GANC: variants seen among roughly 807,000 people sequenced by gnomAD.
GANC encodes glucosidase alpha, neutral C.
In GANC, 117 loss-of-function variants were observed where a neutral mutation model predicts 124.2. The observed-to-expected ratio is 0.94, with a 90% CI of 0.81 to 1.10. The LOEUF (loss-of-function observed/expected upper bound fraction) is 1.10. Among genes scored for constraint, GANC ranks in the 50% least tolerant of loss-of-function variants. GANC has a pLI of 0.00. For synonymous variants in GANC, 377 were observed against 376.8 expected, an observed-to-expected ratio of 1.00 and a Z score of -0.01; for missense variants, 1,140 against 1,095.0, an observed-to-expected ratio of 1.04 and a Z score of -0.58.
At position 42,330,677 on chromosome 15, in the gene GANC, G is replaced by A. The variant is rs1368828721; in HGVS notation, c.1741+5G>A. ...TTGCTGGATCACAAAAGTATGGTAA[G>A]GAATGGCTCATATCAGACTTAAAAA... is the stretch of plus-strand genomic sequence containing the variant. On this transcript the variant is annotated splice_donor_5th_base_variant and intron_variant, in intron 15 of 23. Coordinates refer to ENST00000318010, the MANE Select transcript of GANC (RefSeq NM_198141.3). 1.3e-6 allele frequency: 2 copies of A among 1,594,318 alleles called. No homozygotes were observed. The highest frequency in any genetic ancestry group is 4.5e-5 in the East Asian group (2 of 44,116).
At position 42,343,443 on chromosome 15, in the gene GANC, G is replaced by T. The variant is rs910484175; in HGVS notation, c.2229+289G>T. 9 of 357,164 alleles carry T rather than the reference G, an allele frequency of 2.5e-5. No homozygotes were observed. The South Asian group carries it at 3.0e-4, about 12-fold the overall frequency. 22.1% of individuals were successfully genotyped at this position (357,164 alleles called of 1,614,324 possible). On this transcript the variant is annotated intron_variant, in intron 19 of 23. Coordinates refer to ENST00000318010, the MANE Select transcript of GANC (RefSeq NM_198141.3). ...CCTGATAAACACACCGAGGCTTGGG[G>T]TAGGAAGAAATCTTCAGTCTGCTAT...
chr15:42,333,790 T>G (rs1252305984), intron 15 of GANC, among the ~76,000 whole-genome samples: 1 of 152,236 alleles, frequency 6.6e-6, no homozygotes. Flanking sequence ...TTAATTATTG[T>G]TATTGCTACT....
At chr15:42,330,202 T>A (rs1316665772) in intron 14 of GANC, among the ~76,000 whole-genome samples, 3 of 152,200 alleles carry the variant, frequency 2.0e-5, no homozygotes, top group Non-Finnish European at 4.4e-5. Flanking sequence ...CTTATATAGG[T>A]CAGGACCAGT....
chr15:42,303,950 A>G (rs2051970964), intron 6 of GANC, among the ~76,000 whole-genome samples: 1 of 152,162 alleles, frequency 6.6e-6, no homozygotes, highest in South Asian at 2.1e-4. Flanking sequence ...GATTAACGAG[A>G]CAGAAAATTA....
chr15:42,275,153 A>T (rs575239204), intron 1 of GANC, among the ~76,000 whole-genome samples: 1 of 152,252 alleles, frequency 6.6e-6, no homozygotes, highest in African/African-American at 2.4e-5. Context: ...AGGTGGGCAG[A>T]TTGCTTGAAC....
At chr15:42,287,850 C>G in intron 4 of GANC, 32 bp downstream of exon 4, 1 of 1,585,898 alleles carries the variant, frequency 6.3e-7, no homozygotes, top group East Asian at 2.3e-5. Flanking sequence ...TTTAGAGACA[C>G]GCTTGATATA....
chr15:42,286,262 G>T (rs979113661), intron 3 of GANC, among the ~76,000 whole-genome samples: 1 of 152,060 alleles, frequency 6.6e-6, no homozygotes, highest in African/African-American at 2.4e-5. Context: ...TTAATCTCTT[G>T]CCTTTCTGTT....
chr15:42,313,980 A>ACAACAAAG (rs2052080220), intron 10 of GANC: 1 of 666,124 alleles, frequency 1.5e-6, no homozygotes, highest in East Asian at 2.7e-5. Flanking sequence ...CAACAACAAA[A>ACAACAAAG]TTAATGTAAT....
chr15:42,332,337 G>A (rs1392948952), intron 15 of GANC, among the ~76,000 whole-genome samples: 1 of 151,906 alleles, frequency 6.6e-6, no homozygotes, highest in Non-Finnish European at 1.5e-5. Context: ...ACAAAAAAAA[G>A]TATTTTTAAT....
Position 42,287,699 on chromosome 15 carries a change from C to G in GANC, c.210C>G (p.Leu70=). The G allele has an allele frequency of 6.2e-7, 1 of 1,611,222 alleles. No individual in the cohort carries two copies. Among genetic ancestry groups the G allele is most frequent in the South Asian group, 1.1e-5 (1 of 90,678 alleles). The change falls in exon 4 of 24, where the codon CTC becomes CTG. Residue 70 remains leucine (L), a synonymous_variant. Coordinates refer to ENST00000318010, the MANE Select transcript of GANC (RefSeq NM_198141.3). Reference sequence around the variant, plus strand: ...CTTGTATCTGTTTCCAGGTTCCTCTCCTGGCTGAAATTTATGGTATAGAAG... The same window carrying G: ...CTTGTATCTGTTTCCAGGTTCCTCTGCTGGCTGAAATTTATGGTATAGAAG... ...QIINEASKVP[L]LAEIYGIEGN... is the part of the protein sequence containing the mutation.
Position 42,352,508 on chromosome 15 carries a change from A to G in GANC, c.*369A>G. ...CATTTGCCAGGGCTTGCCTCAGGCC[A>G]TGCAGCATTGGCGCTCTGGCTGCAG... On this transcript the variant is annotated 3_prime_UTR_variant, in exon 24 of 24. Transcript: ENST00000318010. 4.8e-6 allele frequency: 5 copies of G among 1,049,346 alleles called. No homozygotes were observed. The highest frequency in any genetic ancestry group is 5.8e-6 in the Non-Finnish European group (5 of 867,378). 65.0% of individuals were successfully genotyped at this position (1,049,346 alleles called of 1,614,324 possible). A position where few individuals can be genotyped will look rare whatever the true frequency, so the allele number is the denominator to read the frequency against.
chr15:42,318,602 G>T (rs1189449049), intron 10 of GANC, among the ~76,000 whole-genome samples: 2 of 152,028 alleles, frequency 1.3e-5, no homozygotes, highest in African/African-American at 4.8e-5. Flanking sequence ...TTGTTTGTTT[G>T]TTTGAGTCAG....
At position 42,284,019 on chromosome 15, in the gene GANC, C is replaced by T. The variant is rs562954349; in HGVS notation, c.202-3672C>T. On this transcript the variant is annotated intron_variant, in intron 3 of 23. Transcript: ENST00000318010. ...CAATTTAATGAACTATTAGACCATC[C>T]TCTGGATCCCGGGAGGTCTTGATCA... The T allele has an allele frequency of 1.2e-3, 810 of 702,166 alleles. 18 individuals carry two copies. The highest frequency in any genetic ancestry group is 0.01 in the South Asian group (707 of 67,588). The allele number at this position is 702,166 out of a possible 1,614,324, so 43.5% of individuals were successfully genotyped here. A position where few individuals can be genotyped will look rare whatever the true frequency, so the allele number is the denominator to read the frequency against.
At position 42,351,383 on chromosome 15, in the gene GANC, G is replaced by A; in HGVS notation, c.2586G>A (p.Leu862=). ...GCAAGTGTGTGGTGGAGAAGATCTTGGTCTTAGGCTTCAGGAAGGAGCCAT... is the reference window on the plus strand; with the variant it reads ...GCAAGTGTGTGGTGGAGAAGATCTTAGTCTTAGGCTTCAGGAAGGAGCCAT... ...YPSKCVVEKI[L]VLGFRKEPSS... The change falls in exon 23 of 24, where the codon TTG becomes TTA. Residue 862 remains leucine, a synonymous_variant. Transcript: ENST00000318010. 6.2e-7 allele frequency: 1 copy of A among 1,614,056 alleles called. No homozygotes were observed. The highest frequency in any genetic ancestry group is 8.5e-7 in the Non-Finnish European group (1 of 1,179,966).
At position 42,292,831 on chromosome 15, in the gene GANC, C is replaced by G. The variant is rs112976629; in HGVS notation, c.426C>G (p.Asp142Glu). Residue 142 changes from aspartate (D) to glutamate (E), a missense_variant, in exon 5 of 24, where the codon GAC (aspartate) becomes GAG (glutamate). Physicochemically the swap from Asp to Glu is conservative, Grantham distance 45. Coordinates refer to ENST00000318010, the MANE Select transcript of GANC (RefSeq NM_198141.3). Reference sequence around the variant, plus strand: ...TCACAGCAAACCCATTCAAGGTAGACTTGGTGTCTGAAGAAGAGGTTGTGA... The same window carrying G: ...TCACAGCAAACCCATTCAAGGTAGAGTTGGTGTCTGAAGAAGAGGTTGTGA... Reference protein sequence around the residue: ...CHITANPFKVDLVSEEEVVIS... With the variant: ...CHITANPFKVELVSEEEVVIS... The G allele has an allele frequency of 6.2e-7, 1 of 1,614,072 alleles. No individual in the cohort carries two copies. Among genetic ancestry groups the G allele is most frequent in the South Asian group, 1.1e-5 (1 of 91,074 alleles).
At chr15:42,338,356 G>A in intron 15 of GANC, 33 bp from the exon 16 acceptor site, 1 of 1,490,696 alleles carries the variant, frequency 6.7e-7, no homozygotes, top group South Asian at 1.1e-5. Flanking sequence ...GGGTTGATTT[G>A]TGATTTTAAT....
intron 3 of GANC, among the ~76,000 whole-genome samples, chr15:42,283,016 C>T (rs1215781758): frequency 6.6e-6 from 1 of 152,166 alleles, no homozygotes; most frequent in East Asian, 1.9e-4. Context: ...CTCATCTAAA[C>T]CTAATTACCT....
At chr15:42,351,204 C>A in intron 22 of GANC, 125 bp from the exon 23 acceptor site, 1 of 663,056 alleles carries the variant, frequency 1.5e-6, no homozygotes, top group South Asian at 1.8e-5. Flanking sequence ...GTAAATATGA[C>A]TCCCATATGG....
chr15:42,347,954 A>G (rs1180665353), intron 20 of GANC, 149 bp from the exon 21 acceptor site: 8 of 524,064 alleles, frequency 1.5e-5, no homozygotes, highest in African/African-American at 4.0e-5. Flanking sequence ...CAGGACCCCC[A>G]TATTTGCCAT....
Sources: gnomAD v4.1 joint callset for allele counts (sites outside exome capture counted in the v4.1 genomes callset) on GRCh38, gnomAD v4.1.1 for gene constraint, MANE v1.5 for transcripts, NCBI Gene and HGNC (gene_info 2026-07-23, HGNC 2026-07-21) for gene names.